The following CA10 variants were observed in gnomAD, a reference collection of about 807,000 sequenced individuals.
The protein encoded by CA10 is carbonic anhydrase-related protein 10.
In CA10, 14 loss-of-function variants were observed where a neutral mutation model predicts 44.2. The observed-to-expected ratio is 0.32, with a 90% CI of 0.21 to 0.50. The LOEUF (loss-of-function observed/expected upper bound fraction) is 0.50. Among genes scored for constraint, CA10 ranks in the 20% least tolerant of loss-of-function variants. The pLI is 0.99. For synonymous variants in CA10, 159 were observed against 141.6 expected, an observed-to-expected ratio of 1.12 and a Z score of -0.87; for missense variants, 350 against 409.7, an observed-to-expected ratio of 0.85 and a Z score of 1.26.
intron 3 of CA10, among the ~76,000 whole-genome samples, chr17:51,835,989 T>C (rs975583649): frequency 6.6e-6 from 1 of 151,998 alleles, no homozygotes; most frequent in African/African-American, 2.4e-5. Context: ...GCCATGATAA[T>C]GGTGTTGATG....
At chr17:52,057,271 C>T (rs1483424911) in intron 2 of CA10, among the ~76,000 whole-genome samples, 1 of 151,972 alleles carries the variant, frequency 6.6e-6, no homozygotes, top group Non-Finnish European at 1.5e-5. Context: ...CATCTATCTA[C>T]CTCTTCTGCC....
At chr17:52,102,218 G>C (rs565722392) in intron 1 of CA10, among the ~76,000 whole-genome samples, 1 of 152,160 alleles carries the variant, frequency 6.6e-6, no homozygotes, top group Admixed American at 6.5e-5. Context: ...GGAAAACAGA[G>C]ACTCCTCCAG....
chr17:51,780,289 A>T (rs1369133669), intron 3 of CA10, among the ~76,000 whole-genome samples: 1 of 152,198 alleles, frequency 6.6e-6, no homozygotes, highest in East Asian at 1.9e-4. Flanking sequence ...ATCTAGTTCA[A>T]TCCTTTCATG....
intron 3 of CA10, among the ~76,000 whole-genome samples, chr17:51,920,061 A>C (rs1228185020): frequency 6.6e-6 from 1 of 152,196 alleles, no homozygotes; most frequent in Non-Finnish European, 1.5e-5. Flanking sequence ...CTCTTGTAGG[A>C]ATTCATCTGC....
intron 4 of CA10, among the ~76,000 whole-genome samples, chr17:51,709,738 T>C (rs1053425463): frequency 6.6e-6 from 1 of 152,160 alleles, no homozygotes; most frequent in Non-Finnish European, 1.5e-5. Context: ...CTGAATTAGA[T>C]GGAGGTAAGA....
chr17:52,019,263 G>T (rs528238700), intron 2 of CA10, among the ~76,000 whole-genome samples: 2 of 152,076 alleles, frequency 1.3e-5, no homozygotes, highest in Non-Finnish European at 2.9e-5. Flanking sequence ...AGGGTAAAGA[G>T]TCTCATTGCC....
At chr17:51,946,441 G>A (rs1332532082) in intron 2 of CA10, among the ~76,000 whole-genome samples, 2 of 152,114 alleles carry the variant, frequency 1.3e-5, no homozygotes, top group Non-Finnish European at 2.9e-5. Context: ...TGCCACTGGT[G>A]CACTGAACCT....
intron 7 of CA10, 31 bp from the exon 8 acceptor site, chr17:51,633,681 A>C (rs60848939): frequency 0.19 from 300,804 of 1,605,746 alleles, 29,274 homozygotes; most frequent in Admixed American, 0.23. Context: ...GTGAGATCCA[A>C]CCATCCTCTT....
Position 51,636,226 on chromosome 17 carries a change from A to G in CA10, c.635-217T>C, listed in dbSNP as rs564483271. ...CCCCAGATCTCGGTTGTTTTAAGCAATAAGAATGTATTTCTTGCTCACACA... is the reference window on the plus strand; with the variant it reads ...CCCCAGATCTCGGTTGTTTTAAGCAGTAAGAATGTATTTCTTGCTCACACA... On this transcript the variant is annotated intron_variant, in intron 6 of 8. Coordinates refer to ENST00000451037, the MANE Select transcript of CA10 (RefSeq NM_020178.5). Among the ~76,000 whole-genome samples the G allele has an allele frequency of 2.0e-5, 3 of 152,304 alleles. No individual in the cohort carries two copies. The East Asian group carries it at 5.8e-4, about 29-fold the overall frequency.
chr17:51,841,553 T>C (rs915087351), intron 3 of CA10, among the ~76,000 whole-genome samples: 1 of 152,152 alleles, frequency 6.6e-6, no homozygotes, highest in Non-Finnish European at 1.5e-5. Flanking sequence ...AATAGCAGGA[T>C]GTATGTACAA....
intron 1 of CA10, among the ~76,000 whole-genome samples, chr17:52,155,658 G>T (rs1354825005): frequency 6.6e-6 from 1 of 152,166 alleles, no homozygotes; most frequent in Non-Finnish European, 1.5e-5. Flanking sequence ...ATATGATGTT[G>T]CATCCCTGCC....
chr17:51,986,507 T>C (rs1429297086), intron 2 of CA10, among the ~76,000 whole-genome samples: 1 of 151,664 alleles, frequency 6.6e-6, no homozygotes, highest in African/African-American at 2.4e-5. Context: ...CAATGATAAA[T>C]AGCTGAGACT....
Position 51,694,495 on chromosome 17 carries a change from G to T in CA10, c.466-40759C>A, listed in dbSNP as rs796422251. On this transcript the variant is annotated intron_variant, in intron 4 of 8. Transcript: ENST00000451037. ...TGTCTTTTGCACACTTTTTAATGGG[G>T]TTTTTTTTTTTTTTTGCTTCTTCGG... Among the ~76,000 whole-genome samples, 1,207 of 127,476 alleles carry T rather than the reference G, an allele frequency of 9.5e-3. 14 individuals carry two copies. The highest frequency in any genetic ancestry group is 0.03 in the African/African-American group (1,070 of 35,342). The allele number at this position is 127,476 out of a possible 152,430, so 83.6% of individuals were successfully genotyped here.
At chr17:51,784,494 G>T (rs1258840075) in intron 3 of CA10, among the ~76,000 whole-genome samples, 1 of 152,118 alleles carries the variant, frequency 6.6e-6, no homozygotes, top group Admixed American at 6.6e-5. Context: ...TCCACTAACC[G>T]ACCTCTGTTT....
chr17:51,860,933 G>A (rs186995478), intron 3 of CA10, among the ~76,000 whole-genome samples: 54 of 152,182 alleles, frequency 3.5e-4, no homozygotes, highest in African/African-American at 1.2e-3. Flanking sequence ...ACAACCTGTG[G>A]GCTGTATTGC....
intron 1 of CA10, among the ~76,000 whole-genome samples, chr17:52,143,584 A>T (rs1364357550): frequency 1.3e-5 from 2 of 152,232 alleles, no homozygotes; most frequent in African/African-American, 4.8e-5. Flanking sequence ...GCCCAAATGC[A>T]AAAAGTGATG....
intron 3 of CA10, among the ~76,000 whole-genome samples, chr17:51,772,762 A>G (rs1306889629): frequency 6.6e-6 from 1 of 152,198 alleles, no homozygotes; most frequent in African/African-American, 2.4e-5. Flanking sequence ...TCATTTTACA[A>G]ATGTGGAAAT....
chr17:52,066,982 C>G (rs535906384), intron 2 of CA10, among the ~76,000 whole-genome samples: 1 of 152,260 alleles, frequency 6.6e-6, no homozygotes, highest in South Asian at 2.1e-4. Context: ...AAAAGGGAAG[C>G]AGAGCATAAA....
chr17:52,106,808 C>T (rs138167127), intron 1 of CA10, among the ~76,000 whole-genome samples: 2 of 152,178 alleles, frequency 1.3e-5, no homozygotes, highest in African/African-American at 4.8e-5. Flanking sequence ...TGAAAGCCCA[C>T]GGCTCAGATT....
Sources: gnomAD v4.1 joint callset for allele counts (sites outside exome capture counted in the v4.1 genomes callset) on GRCh38, gnomAD v4.1.1 for gene constraint, MANE v1.5 for transcripts, NCBI Gene and HGNC (gene_info 2026-07-23, HGNC 2026-07-21) for gene names.